The following SLC9C2 variants were observed in gnomAD, a reference collection of about 807,000 sequenced individuals.
The protein encoded by SLC9C2 is solute carrier family 9 member C2 (putative), also known as sodium/hydrogen exchanger 11.
In SLC9C2, 75 loss-of-function variants were observed where a neutral mutation model predicts 140.2. The ratio of observed to expected loss-of-function variants is 0.53; its 90% CI spans 0.44 to 0.65. The LOEUF (loss-of-function observed/expected upper bound fraction) is 0.65, where lower values mean the gene tolerates loss of function less well. SLC9C2 is among the 30% of genes least tolerant of loss of function. The pLI is 0.00. For synonymous variants in SLC9C2, 375 were observed against 420.9 expected (o/e 0.89, Z 1.34); for missense variants, 1,074 against 1,331.8 (o/e 0.81, Z 3.01).
At chr1:173,503,131 C>T in intron 27 of SLC9C2, 135 bp downstream of exon 27, 1 of 582,084 alleles carries the variant, frequency 1.7e-6, no homozygotes, top group Non-Finnish European at 2.9e-6. Flanking sequence ...TCTAATTTGT[C>T]CAAATTAATG....
At chr1:173,555,895 A>G (rs1310536625) in intron 10 of SLC9C2, among the ~76,000 whole-genome samples, 5 of 152,100 alleles carry the variant, frequency 3.3e-5, no homozygotes, top group Admixed American at 1.3e-4. Flanking sequence ...GAAGGCTACT[A>G]CTCTCTTTGA....
In SLC9C2 at chr1:173,535,852, T is replaced by C. The variant is rs1442164185; in HGVS notation, c.1753A>G (p.Lys585Glu). Residue 585 changes from lysine to glutamate, a missense_variant, in exon 15 of 28, where the codon AAG (lysine) becomes GAG (glutamate). Lys to Glu is a moderately conservative substitution (Grantham distance 56, BLOSUM62 1). Transcript: ENST00000367714. ...TACTCAGGTGGAATAAAATGTATCT[T>C]TTCTATACAATATTCCAAGAAAGTT... Reference protein sequence around the residue: ...VLTFLEYCIEKIHFIPPESNT... With the variant: ...VLTFLEYCIEEIHFIPPESNT... The C allele has an allele frequency of 3.3e-6, 5 of 1,516,188 alleles. No individual in the cohort carries two copies. In the African/African-American group the frequency reaches 7.2e-5, roughly 22 times the overall value. 93.9% of individuals were successfully genotyped at this position (1,516,188 alleles called of 1,614,324 possible).
chr1:173,500,761 A>G lies in SLC9C2; in HGVS notation c.*333T>C, dbSNP rs1381435119. On this transcript the variant is annotated 3_prime_UTR_variant, in exon 28 of 28. Transcript: ENST00000367714. ...TTAGAGAGTAACATATCAGTTATAC[A>G]ACACTTTTTATAATGCACTATGTTA... The G allele has an allele frequency of 1.2e-5, 2 of 171,482 alleles. No individual in the cohort carries two copies. Among genetic ancestry groups the G allele is most frequent in the Admixed American group, 6.3e-5 (1 of 15,856 alleles). The allele number at this position is 171,482 out of a possible 1,614,324, so 10.6% of individuals were successfully genotyped here.
intron 11 of SLC9C2, among the ~76,000 whole-genome samples, chr1:173,550,772 A>C (rs1275591164): frequency 6.6e-6 from 1 of 151,092 alleles, no homozygotes; most frequent in East Asian, 1.9e-4. Context: ...AAGAAGAACA[A>C]ACACAGCCTG....
chr1:173,545,533 G>T (rs564861270), intron 13 of SLC9C2, among the ~76,000 whole-genome samples: 55 of 152,224 alleles, frequency 3.6e-4, no homozygotes, highest in African/African-American at 1.2e-3. Flanking sequence ...TGAATATTGG[G>T]TGTCTGGGGG....
At chr1:173,573,091 G>T in intron 9 of SLC9C2, 91 bp downstream of exon 9, 1 of 879,384 alleles carries the variant, frequency 1.1e-6, no homozygotes, top group Non-Finnish European at 1.7e-6. Context: ...CATGTCCAGA[G>T]CCCTTTTTGC....
At chr1:173,593,062 A>G (rs1571633979) in intron 4 of SLC9C2, among the ~76,000 whole-genome samples, 1 of 152,218 alleles carries the variant, frequency 6.6e-6, no homozygotes, top group East Asian at 1.9e-4. Context: ...CCCACCTTAC[A>G]AGAGATCTTG....
intron 9 of SLC9C2, among the ~76,000 whole-genome samples, chr1:173,558,579 GC>G (rs1171992755): frequency 6.6e-6 from 1 of 152,180 alleles, no homozygotes; most frequent in Non-Finnish European, 1.5e-5. Flanking sequence ...AATGGTACTT[GC>G]CTCAAAGGAT....
At position 173,521,347 on chromosome 1, in the gene SLC9C2, C is replaced by T; in HGVS notation, c.2693G>A (p.Gly898Asp). 1 of 1,558,320 alleles carries T rather than the reference C, an allele frequency of 6.4e-7. No individual in the cohort carries two copies. Among genetic ancestry groups the T allele is most frequent in the South Asian group, 1.3e-5 (1 of 79,422 alleles). Residue 898 changes from glycine (G) to aspartate (D), a missense_variant, in exon 22 of 28, where the codon GGT becomes GAT. Coordinates refer to ENST00000367714, the MANE Select transcript of SLC9C2 (RefSeq NM_178527.4). ...TAAGTAGATTCCTTGTGGCATTTCA[C>T]CTCCTTTACAAATGGTATCTCCAGA... ...FDSGDTICKG[G>D]EMPQGIYLII...
chr1:173,510,956 T>C (rs1416585336), intron 23 of SLC9C2, among the ~76,000 whole-genome samples: 2 of 151,974 alleles, frequency 1.3e-5, no homozygotes. Context: ...CCACCAACAG[T>C]GTGAAAGTGT....
At position 173,576,750 on chromosome 1, in the gene SLC9C2, TA is replaced by T; in HGVS notation, c.812del (p.Leu271Ter). ...CTAAGGCAAGAGTGCCTGACATTCC[TA>T]AAAATTCCACTGGGGAGAAAAAAAA... ...VYMTFYIVEF[L>X]GMSGTLALAA... On this transcript the variant is annotated frameshift_variant, in exon 8 of 28. Coordinates refer to ENST00000367714, the MANE Select transcript of SLC9C2 (RefSeq NM_178527.4). LOFTEE classifies it high-confidence loss of function. 1 of 1,598,268 alleles carries T rather than the reference TA, an allele frequency of 6.3e-7. No individual in the cohort carries two copies.
Position 173,576,658 on chromosome 1 carries a change from T to G in SLC9C2, c.902+3A>C. ...CCATCGAAGGGCACGATAGGAAACT[T>G]ACTTAGTAATTACAAGTTCGATCTT... On this transcript the variant is annotated splice_donor_region_variant and intron_variant, in intron 8 of 27. Coordinates refer to ENST00000367714, the MANE Select transcript of SLC9C2 (RefSeq NM_178527.4). The G allele has an allele frequency of 6.3e-7, 1 of 1,595,486 alleles. No individual in the cohort carries two copies. The highest frequency in any genetic ancestry group is 8.6e-7 in the Non-Finnish European group (1 of 1,166,352).
At chr1:173,523,423 C>T (rs1334788109) in intron 21 of SLC9C2, among the ~76,000 whole-genome samples, 1 of 152,146 alleles carries the variant, frequency 6.6e-6, no homozygotes, top group African/African-American at 2.4e-5. Context: ...AAAGTAGGGA[C>T]TTCATCTGTT....
intron 13 of SLC9C2, among the ~76,000 whole-genome samples, chr1:173,546,139 C>T (rs1225511248): frequency 6.6e-6 from 1 of 152,180 alleles, no homozygotes. Context: ...TGTGGCCATA[C>T]GTAATTTTCT....
At chr1:173,544,712 A>G (rs1662707909) in intron 13 of SLC9C2, among the ~76,000 whole-genome samples, 2 of 152,178 alleles carry the variant, frequency 1.3e-5, no homozygotes, top group South Asian at 2.1e-4. Flanking sequence ...TTGTAGGGAC[A>G]TGGATGAAGC....
intron 25 of SLC9C2, among the ~76,000 whole-genome samples, chr1:173,506,323 G>A (rs1659633859): frequency 1.3e-5 from 2 of 152,196 alleles, no homozygotes; most frequent in South Asian, 4.1e-4. Flanking sequence ...TGGGCCATTA[G>A]GGACTTTGCT....
intron 4 of SLC9C2, among the ~76,000 whole-genome samples, chr1:173,592,361 C>T (rs1224405825): frequency 6.6e-6 from 1 of 152,156 alleles, no homozygotes; most frequent in Non-Finnish European, 1.5e-5. Context: ...TTTGGTTCCA[C>T]ATGAATTTTA....
chr1:173,597,851 A>G (rs894887640), intron 4 of SLC9C2, 53 bp downstream of exon 4: 10 of 1,502,332 alleles, frequency 6.7e-6, no homozygotes, highest in Non-Finnish European at 8.9e-6. Flanking sequence ...CATATTCTCT[A>G]TCAACGTGCA....
intron 8 of SLC9C2, among the ~76,000 whole-genome samples, chr1:173,574,854 C>G (rs917328197): frequency 6.6e-6 from 1 of 152,064 alleles, no homozygotes; most frequent in African/African-American, 2.4e-5. Flanking sequence ...CACAATGGCT[C>G]ATGCATGTAA....
Sources: gnomAD v4.1 joint callset for allele counts (sites outside exome capture counted in the v4.1 genomes callset) on GRCh38, gnomAD v4.1.1 for gene constraint, MANE v1.5 for transcripts, NCBI Gene and HGNC (gene_info 2026-07-23, HGNC 2026-07-21) for gene names.